The following RAD52 variants were observed in gnomAD, a reference collection of about 807,000 sequenced individuals.
RAD52 encodes DNA repair protein RAD52 homolog.
RAD52 carries 47 observed loss-of-function variants against 55.5 expected under a neutral mutation model. The ratio of observed to expected loss-of-function variants is 0.85; its 90% CI spans 0.67 to 1.08. The LOEUF is 1.08. Among genes scored for constraint, RAD52 ranks in the 50% least tolerant of loss-of-function variants. RAD52 has a pLI of 0.00. For missense variants in RAD52, 468 were observed against 522.8 expected, an observed-to-expected ratio of 0.90 and a Z score of 1.02; for synonymous variants, 184 against 198.9, an observed-to-expected ratio of 0.92 and a Z score of 0.63.
At chr12:975,547 T>C (rs1280112170) in intron 1 of RAD52, 1 of 152,210 alleles carries the variant, frequency 6.6e-6, no homozygotes, top group Non-Finnish European at 1.5e-5. Flanking sequence ...CCTTCACCTA[T>C]ACATCCCAAA....
chr12:946,670 A>C (rs1457971258), intron 1 of RAD52, among the ~76,000 whole-genome samples: 1 of 152,198 alleles, frequency 6.6e-6, no homozygotes, highest in Non-Finnish European at 1.5e-5. Flanking sequence ...CACCAAAAGC[A>C]CAAAAATACA....
chr12:928,011 C>G (rs1029847100), intron 5 of RAD52, among the ~76,000 whole-genome samples: 26 of 152,170 alleles, frequency 1.7e-4, no homozygotes, highest in African/African-American at 6.0e-4. Flanking sequence ...TGGACCTGAG[C>G]ACATCATTCG....
At chr12:914,569 TCA>T (rs1294845104) in intron 9 of RAD52, 37 bp from the exon 10 acceptor site, 1 of 1,610,760 alleles carries the variant, frequency 6.2e-7, no homozygotes, top group Non-Finnish European at 8.5e-7. Context: ...CAAGTCATCA[TCA>T]CATCACTGCA....
intron 1 of RAD52, among the ~76,000 whole-genome samples, chr12:961,386 A>G (rs1958684018): frequency 6.6e-6 from 1 of 150,720 alleles, no homozygotes; most frequent in African/African-American, 2.4e-5. Context: ...GGGCTGAATT[A>G]TGTTCCTCCC....
chr12:961,060 G>A (rs1958675950), intron 1 of RAD52, among the ~76,000 whole-genome samples: 1 of 151,992 alleles, frequency 6.6e-6, no homozygotes, highest in African/African-American at 2.4e-5. Context: ...GCTCACACCT[G>A]TAATCCCAGC....
chr12:914,009 C>G lies in RAD52; in HGVS notation c.1080G>C (p.Leu360Phe), dbSNP rs1170071748. The stretch of plus-strand genomic sequence containing the variant: ...TGTTCTGGGTCACCATCTGGTTGTT[C>G]AAGGCTAATGTGTCAGAGGTCTGGG... Reference protein sequence around the residue: ...DPAQTSDTLALNNQMVTQNRT... With the variant: ...DPAQTSDTLAFNNQMVTQNRT... The change falls in exon 11 of 12, where the codon TTG becomes TTC. Residue 360 changes from leucine to phenylalanine, a missense_variant. By Grantham distance (22) the Leu-to-Phe change is conservative. Transcript: ENST00000358495. 7 of 1,614,038 alleles carry G rather than the reference C, an allele frequency of 4.3e-6. No homozygotes were observed. In the South Asian group the frequency reaches 7.7e-5, roughly 18 times the overall value.
At chr12:962,944 G>A (rs541688138) in intron 1 of RAD52, among the ~76,000 whole-genome samples, 169 of 152,014 alleles carry the variant, frequency 1.1e-3, no homozygotes, top group African/African-American at 3.7e-3. Context: ...TAGAGATGAC[G>A]TTTTGCCATG....
chr12:925,020 G>A (rs7308979), intron 7 of RAD52, among the ~76,000 whole-genome samples: 65,913 of 148,746 alleles, frequency 0.44, 14,767 homozygotes, highest in East Asian at 0.53. Flanking sequence ...GTGCCATCTC[G>A]GCTCACTGCA....
intron 1 of RAD52, among the ~76,000 whole-genome samples, chr12:944,672 T>C (rs1294379817): frequency 1.3e-5 from 2 of 150,222 alleles, no homozygotes; most frequent in African/African-American, 4.9e-5. Context: ...ATAGTGGCTA[T>C]GGCAAGAAAT....
intron 7 of RAD52, among the ~76,000 whole-genome samples, chr12:924,042 G>C (rs1956885376): frequency 6.7e-6 from 1 of 148,816 alleles, no homozygotes; most frequent in Non-Finnish European, 1.5e-5. Context: ...CTGGGCGACA[G>C]AGTGAGACTA....
At chr12:941,010 C>A (rs1213888493) in intron 1 of RAD52, among the ~76,000 whole-genome samples, 1 of 152,140 alleles carries the variant, frequency 6.6e-6, no homozygotes, top group Non-Finnish European at 1.5e-5. Flanking sequence ...AAACTAATAG[C>A]TCCAAATTTC....
intron 1 of RAD52, among the ~76,000 whole-genome samples, chr12:962,593 C>T (rs1402658221): frequency 4.6e-5 from 7 of 152,022 alleles, no homozygotes; most frequent in South Asian, 2.1e-4. Flanking sequence ...GTGATCCACC[C>T]GCCTCGGCCT....
intron 7 of RAD52, among the ~76,000 whole-genome samples, chr12:922,694 A>G (rs1375071722): frequency 6.6e-6 from 1 of 152,200 alleles, no homozygotes; most frequent in Non-Finnish European, 1.5e-5. Context: ...ACAGAAACAG[A>G]AAGTAGACAC....
intron 1 of RAD52, among the ~76,000 whole-genome samples, chr12:963,730 A>C (rs527467916): frequency 6.6e-6 from 1 of 152,112 alleles, no homozygotes; most frequent in South Asian, 2.1e-4. Context: ...TTATGTATGG[A>C]TTATGTACCA....
chr12:957,248 A>G (rs1958618755), intron 1 of RAD52, among the ~76,000 whole-genome samples: 1 of 152,090 alleles, frequency 6.6e-6, no homozygotes, highest in Non-Finnish European at 1.5e-5. Flanking sequence ...ATCTGAGGTC[A>G]GGAGTTCGAG....
chr12:938,422 C>T (rs144258767), intron 1 of RAD52, among the ~76,000 whole-genome samples: 1 of 152,330 alleles, frequency 6.6e-6, no homozygotes, highest in East Asian at 1.9e-4. Context: ...GTGGCCCACG[C>T]CTGTAATCCC....
At chr12:929,345 A>G (rs1957206852) in intron 5 of RAD52, among the ~76,000 whole-genome samples, 1 of 152,234 alleles carries the variant, frequency 6.6e-6, no homozygotes, top group South Asian at 2.1e-4. Context: ...GTCCACTGGA[A>G]TATTTAACAA....
chr12:930,788 G>A lies in RAD52; in HGVS notation c.186+432C>T, dbSNP rs11571411. Among the ~76,000 whole-genome samples, 649 of 152,056 alleles carry A rather than the reference G, an allele frequency of 4.3e-3. 5 individuals are homozygous for A. Among genetic ancestry groups the A allele is most frequent in the South Asian group, 0.031 (150 of 4,814 alleles). On this transcript the variant is annotated intron_variant, in intron 3 of 11. Transcript: ENST00000358495. ...TCGAGATCAGCCTGGGCAACATGGC[G>A]AGATGTCGTCTCTACAGAACATTAA...
rs1182351363 is a variant in RAD52 at position 925,511 on chromosome 12, G to A, written c.482C>T (p.Ala161Val). Reference protein sequence around the residue: ...LKRALRSFGNALGNCILDKDY... With the variant: ...LKRALRSFGNVLGNCILDKDY... The stretch of plus-strand genomic sequence containing the variant: ...TTTGTCCAGAATACAGTTTCCAAGT[G>A]CATTCCCAAAACTCCTAAGGGCAAG... The change falls in exon 7 of 12, where the codon GCA becomes GTA. Residue 161 changes from alanine (A) to valine (V), a missense_variant. Ala to Val is a moderately conservative substitution (Grantham distance 64). Transcript: ENST00000358495. 1 of 1,613,534 alleles carries A rather than the reference G, an allele frequency of 6.2e-7. No homozygotes were observed. Among genetic ancestry groups the A allele is most frequent in the Non-Finnish European group, 8.5e-7 (1 of 1,179,540 alleles).
Sources: allele counts gnomAD v4.1 joint callset (sites outside exome capture counted in the v4.1 genomes callset), GRCh38; gene constraint gnomAD v4.1.1; transcripts MANE v1.5; gene names NCBI Gene and HGNC (gene_info 2026-07-23, HGNC 2026-07-21).